The following TAFA2 variants were observed in gnomAD, a reference collection of about 807,000 sequenced individuals.
TAFA2 encodes TAFA chemokine like family member 2, also known as chemokine-like protein TAFA-2.
TAFA2 carries 7 observed loss-of-function variants against 18.8 expected under a neutral mutation model. The observed-to-expected ratio is 0.37, with a 90% CI of 0.21 to 0.70. The LOEUF is 0.70. Among genes scored for constraint, TAFA2 ranks in the 30% least tolerant of loss-of-function variants. The pLI, the probability that TAFA2 is intolerant of heterozygous loss-of-function variation, is 0.53. For missense variants in TAFA2, 122 were observed against 158.1 expected (o/e 0.77, Z 1.23); for synonymous variants, 60 against 54.2 (o/e 1.11, Z -0.47).
At chr12:62,022,839 GAT>G (rs1339321816) in intron 1 of TAFA2, among the ~76,000 whole-genome samples, 2 of 152,200 alleles carry the variant, frequency 1.3e-5, no homozygotes, top group Non-Finnish European at 2.9e-5. Context: ...GTGCTGGGAA[GAT>G]ATGAGTGTAT....
At chr12:61,851,706 C>T (rs1416787585) in intron 2 of TAFA2, among the ~76,000 whole-genome samples, 1 of 122,426 alleles carries the variant, frequency 8.2e-6, no homozygotes, top group Non-Finnish European at 1.6e-5. Flanking sequence ...ACCTGGGAGG[C>T]GGTGCTTGCA....
At chr12:61,861,443 T>C (rs1874124745) in intron 2 of TAFA2, among the ~76,000 whole-genome samples, 1 of 151,906 alleles carries the variant, frequency 6.6e-6, no homozygotes, top group African/African-American at 2.4e-5. Flanking sequence ...TTCTTAGAAA[T>C]GGGCTCTCGC....
chr12:61,908,817 G>T (rs1044326370), intron 1 of TAFA2, among the ~76,000 whole-genome samples: 2 of 152,156 alleles, frequency 1.3e-5, no homozygotes, highest in African/African-American at 4.8e-5. Context: ...AATGACAGGA[G>T]AACTATATAA....
intron 1 of TAFA2, among the ~76,000 whole-genome samples, chr12:62,163,306 A>G (rs2062417833): frequency 6.6e-6 from 1 of 152,156 alleles, no homozygotes; most frequent in South Asian, 2.1e-4. Context: ...CCAAACACTG[A>G]AAGAAAACAC....
intron 1 of TAFA2, among the ~76,000 whole-genome samples, chr12:62,098,450 T>C (rs980578460): frequency 1.3e-5 from 2 of 152,154 alleles, no homozygotes; most frequent in African/African-American, 2.4e-5. Flanking sequence ...TTCCCTGCCA[T>C]GTGGAAAAAT....
At chr12:61,877,192 C>G (rs1044477259) in intron 1 of TAFA2, among the ~76,000 whole-genome samples, 6 of 152,182 alleles carry the variant, frequency 3.9e-5, no homozygotes, top group African/African-American at 1.4e-4. Context: ...TGCTTTCTGA[C>G]TTGCTCTTTT....
chr12:62,060,212 A>G (rs1248091179), intron 1 of TAFA2, among the ~76,000 whole-genome samples: 1 of 152,204 alleles, frequency 6.6e-6, no homozygotes, highest in Non-Finnish European at 1.5e-5. Context: ...CAAGAAATAC[A>G]AGCTTCTACA....
At chr12:62,083,979 A>G (rs1302608548) in intron 1 of TAFA2, among the ~76,000 whole-genome samples, 2 of 152,174 alleles carry the variant, frequency 1.3e-5, no homozygotes, top group Non-Finnish European at 2.9e-5. Context: ...AAAGACACAT[A>G]CAAGAAAAGA....
At chr12:61,940,515 A>G (rs931822187) in intron 1 of TAFA2, among the ~76,000 whole-genome samples, 1 of 152,238 alleles carries the variant, frequency 6.6e-6, no homozygotes, top group Non-Finnish European at 1.5e-5. Flanking sequence ...TACTCTGCAC[A>G]AATCTGATTC....
chr12:62,050,021 G>T (rs1448611770), intron 1 of TAFA2, among the ~76,000 whole-genome samples: 1 of 152,154 alleles, frequency 6.6e-6, no homozygotes, highest in African/African-American at 2.4e-5. Flanking sequence ...CGTAAATCCA[G>T]ACTAATGCTG....
chr12:61,745,781 G>A (rs989860345), intron 4 of TAFA2, among the ~76,000 whole-genome samples: 7 of 151,920 alleles, frequency 4.6e-5, no homozygotes, highest in African/African-American at 1.5e-4. Context: ...GTTAAGAGAG[G>A]GAGATTACCC....
intron 4 of TAFA2, among the ~76,000 whole-genome samples, chr12:61,731,513 G>T (rs1213891532): frequency 6.6e-6 from 1 of 151,956 alleles, no homozygotes; most frequent in Non-Finnish European, 1.5e-5. Flanking sequence ...ATTGGGTTTT[G>T]GTTAAAACTG....
At chr12:62,044,561 T>C (rs536411426) in intron 1 of TAFA2, among the ~76,000 whole-genome samples, 1 of 152,218 alleles carries the variant, frequency 6.6e-6, no homozygotes, top group East Asian at 1.9e-4. Flanking sequence ...GAACCAGGAC[T>C]AATAAACATG....
intron 4 of TAFA2, among the ~76,000 whole-genome samples, chr12:61,732,024 T>C (rs1388788864): frequency 6.6e-6 from 1 of 152,082 alleles, no homozygotes; most frequent in African/African-American, 2.4e-5. Context: ...AAAATTTTAA[T>C]GTATTTTAGG....
chr12:62,040,657 T>C (rs191710070), intron 1 of TAFA2, among the ~76,000 whole-genome samples: 4 of 152,246 alleles, frequency 2.6e-5, no homozygotes, highest in Admixed American at 2.6e-4. Context: ...CCTCCAGAAC[T>C]GTGTAACAAC....
intron 2 of TAFA2, among the ~76,000 whole-genome samples, chr12:61,842,608 A>T (rs983721410): frequency 2.0e-5 from 3 of 152,040 alleles, no homozygotes; most frequent in African/African-American, 7.2e-5. Flanking sequence ...CTAGAAATCA[A>T]ACTAAAGCAT....
At chr12:61,908,913 C>T (rs1225424593) in intron 1 of TAFA2, among the ~76,000 whole-genome samples, 5 of 152,174 alleles carry the variant, frequency 3.3e-5, no homozygotes, top group Non-Finnish European at 7.4e-5. Context: ...ATGATATCAG[C>T]TTTTCCCCAA....
Position 61,844,902 on chromosome 12 carries a change from A to G in TAFA2, c.106+22418T>C, listed in dbSNP as rs116472109. Among the ~76,000 whole-genome samples, 975 of 151,870 alleles carry G rather than the reference A, an allele frequency of 6.4e-3. 10 individuals carry two copies. Among genetic ancestry groups the G allele is most frequent in the African/African-American group, 0.022 (899 of 41,484 alleles). Reference sequence around the variant, plus strand: ...AAGAATATAGACATTGTGTGTGTGTATATATATATATGTGAATATAATGCA... The same window carrying G: ...AAGAATATAGACATTGTGTGTGTGTGTATATATATATGTGAATATAATGCA... On this transcript the variant is annotated intron_variant, in intron 2 of 4. Transcript: ENST00000416284.
At chr12:61,818,077 G>A (rs7960162) in intron 2 of TAFA2, among the ~76,000 whole-genome samples, 135,570 of 152,190 alleles carry the variant, frequency 0.89, 60,564 homozygotes, top group East Asian at 0.98. Flanking sequence ...CATCCTCACC[G>A]GGAGAACAGA....
Sources: allele counts gnomAD v4.1 joint callset (sites outside exome capture counted in the v4.1 genomes callset), GRCh38; gene constraint gnomAD v4.1.1; transcripts MANE v1.5; gene names NCBI Gene and HGNC (gene_info 2026-07-23, HGNC 2026-07-21).